ERC1: variants seen among roughly 807,000 people sequenced by gnomAD.
The protein encoded by ERC1 is RAB6 interacting protein 2.
ERC1 carries 56 observed loss-of-function variants against 132.0 expected under a neutral mutation model. The observed-to-expected ratio is 0.42, with a 90% CI of 0.34 to 0.53. The LOEUF (loss-of-function observed/expected upper bound fraction) is 0.53, where lower values mean the gene tolerates loss of function less well. ERC1 is among the 20% of genes least tolerant of loss of function. The pLI is 0.03. For synonymous variants in ERC1, 478 were observed against 476.1 expected (o/e 1.00, Z -0.05); for missense variants, 1,202 against 1,349.9 (o/e 0.89, Z 1.72).
intron 13 of ERC1, among the ~76,000 whole-genome samples, chr12:1,258,914 T>C (rs2076972157): frequency 6.6e-6 from 1 of 152,218 alleles, no homozygotes; most frequent in East Asian, 1.9e-4. Context: ...TGCCTGAAGA[T>C]GTGTTTGCCT....
intron 14 of ERC1, among the ~76,000 whole-genome samples, chr12:1,272,618 A>G (rs1322251674): frequency 6.6e-6 from 1 of 152,158 alleles, no homozygotes; most frequent in Non-Finnish European, 1.5e-5. Flanking sequence ...TAATCTGTAC[A>G]TTATTTCCTA....
chr12:1,447,099 A>T (rs58742763), intron 18 of ERC1, among the ~76,000 whole-genome samples: 2,711 of 152,300 alleles, frequency 0.018, 35 homozygotes, highest in East Asian at 0.045. Context: ...ACCATATACT[A>T]AAAATGTAAT....
intron 12 of ERC1, among the ~76,000 whole-genome samples, chr12:1,206,629 C>G (rs1300199924): frequency 6.6e-6 from 1 of 151,868 alleles, no homozygotes; most frequent in Non-Finnish European, 1.5e-5. Context: ...GACATTAGCA[C>G]CAGAGAGTGA....
chr12:1,290,497 T>G (rs2079367509), intron 15 of ERC1, among the ~76,000 whole-genome samples: 1 of 152,228 alleles, frequency 6.6e-6, no homozygotes, highest in African/African-American at 2.4e-5. Flanking sequence ...AATTGTCACT[T>G]TTAGCAGAGC....
chr12:1,075,224 G>T (rs1053603635), intron 2 of ERC1, among the ~76,000 whole-genome samples: 1 of 151,968 alleles, frequency 6.6e-6, no homozygotes, highest in Non-Finnish European at 1.5e-5. Flanking sequence ...TGTACAAAGT[G>T]GGGTTATATC....
At chr12:1,276,861 T>C (rs2078309307) in intron 14 of ERC1, among the ~76,000 whole-genome samples, 1 of 152,246 alleles carries the variant, frequency 6.6e-6, no homozygotes, top group Admixed American at 6.5e-5. Context: ...GGTAATTTTA[T>C]CATATTTTTA....
At chr12:1,177,240 T>C (rs1245406459) in intron 8 of ERC1, among the ~76,000 whole-genome samples, 1 of 152,222 alleles carries the variant, frequency 6.6e-6, no homozygotes. Context: ...CTTTTTTGTG[T>C]GTTCATCGGA....
At chr12:1,233,702 G>C (rs2075222242) in intron 12 of ERC1, among the ~76,000 whole-genome samples, 1 of 152,010 alleles carries the variant, frequency 6.6e-6, no homozygotes, top group Non-Finnish European at 1.5e-5. Context: ...ATACAATCCA[G>C]AATGTGAGTC....
chr12:1,382,580 T>C (rs1469672868), intron 16 of ERC1, among the ~76,000 whole-genome samples: 1 of 152,248 alleles, frequency 6.6e-6, no homozygotes, highest in Non-Finnish European at 1.5e-5. Context: ...CTGCCTGACT[T>C]GCCTCTTCGG....
At chr12:1,376,969 C>G (rs1189512772) in intron 16 of ERC1, among the ~76,000 whole-genome samples, 1 of 152,206 alleles carries the variant, frequency 6.6e-6, no homozygotes, top group African/African-American at 2.4e-5. Context: ...GATGAGATGA[C>G]ATCAGGTGAT....
chr12:1,052,802 T>A (rs1237853448), intron 2 of ERC1, among the ~76,000 whole-genome samples: 1 of 152,026 alleles, frequency 6.6e-6, no homozygotes, highest in Non-Finnish European at 1.5e-5. Context: ...AAACCCCGTC[T>A]CCACTAAAAA....
intron 17 of ERC1, chr12:1,444,358 G>T: frequency 2.2e-6 from 1 of 447,576 alleles, no homozygotes; most frequent in Non-Finnish European, 3.9e-6. Context: ...TCCCAGAAGG[G>T]CGGCTGCGTG....
intron 8 of ERC1, chr12:1,152,551 A>C (rs7957250): frequency 0.073 from 11,128 of 152,800 alleles, 585 homozygotes; most frequent in Non-Finnish European, 0.11. Flanking sequence ...GAAGATGATG[A>C]ACAACACAAC....
chr12:1,383,507 G>A (rs1312448352), intron 16 of ERC1, among the ~76,000 whole-genome samples: 1 of 152,244 alleles, frequency 6.6e-6, no homozygotes, highest in South Asian at 2.1e-4. Context: ...GGTGGCATGC[G>A]CCTGTAATCT....
At chr12:994,373 C>T (rs1392666146) in intron 1 of ERC1, among the ~76,000 whole-genome samples, 1 of 151,928 alleles carries the variant, frequency 6.6e-6, no homozygotes, top group South Asian at 2.1e-4. Flanking sequence ...AAATCTGTTG[C>T]TCACCAAGTC....
At chr12:1,164,216 T>C (rs1228099216) in intron 8 of ERC1, among the ~76,000 whole-genome samples, 5 of 148,786 alleles carry the variant, frequency 3.4e-5, no homozygotes, top group Admixed American at 2.0e-4. Context: ...GTCATAGTAG[T>C]CACAGAACCT....
intron 7 of ERC1, among the ~76,000 whole-genome samples, chr12:1,127,411 ATAAAG>A (rs745778142): frequency 1.3e-5 from 2 of 152,224 alleles, no homozygotes; most frequent in Non-Finnish European, 1.5e-5. Flanking sequence ...GGTTGGATAA[ATAAAG>A]TATTGTGGAT....
At chr12:1,144,614 G>GTGTATATA (rs1555268149) in intron 8 of ERC1, among the ~76,000 whole-genome samples, 1 of 132,298 alleles carries the variant, frequency 7.6e-6, no homozygotes, top group African/African-American at 3.1e-5. Context: ...GAATTTTGTG[G>GTGTATATA]TATATATATA....
intron 16 of ERC1, among the ~76,000 whole-genome samples, chr12:1,396,060 C>A (rs893049433): frequency 1.3e-5 from 2 of 152,088 alleles, no homozygotes; most frequent in Non-Finnish European, 2.9e-5. Context: ...TATGTGTAAA[C>A]TGGAGTCCCT....
Sources: gnomAD v4.1 joint callset for allele counts (sites outside exome capture counted in the v4.1 genomes callset) on GRCh38, gnomAD v4.1.1 for gene constraint, MANE v1.5 for transcripts, NCBI Gene and HGNC (gene_info 2026-07-23, HGNC 2026-07-21) for gene names.